CDK19: variants seen among roughly 807,000 people sequenced by gnomAD.
The protein encoded by CDK19 is cyclin-dependent kinase 19.
Under a neutral mutation model 68.3 loss-of-function variants are expected in CDK19, and 20 were observed. That is an observed-to-expected ratio of 0.29 (90% CI 0.21 to 0.43). The LOEUF (loss-of-function observed/expected upper bound fraction) is 0.43. CDK19 is among the 20% of genes least tolerant of loss of function. CDK19 has a pLI of 1.00. For synonymous variants in CDK19, 221 were observed against 222.8 expected, an observed-to-expected ratio of 0.99 and a Z score of 0.07; for missense variants, 339 against 623.5, an observed-to-expected ratio of 0.54 and a Z score of 4.86.
rs111716078 is a variant in CDK19 at position 110,697,490 on chromosome 6, A to G, written c.205-26949T>C. ...CTCTCCACAAGGAAAACTACAAAAC[A>G]CTGCTGAAAGAAGTCATAGATGACA... On this transcript the variant is annotated intron_variant, in intron 2 of 12. Transcript: ENST00000368911. Among the ~76,000 whole-genome samples the G allele has an allele frequency of 8.6e-4, 131 of 152,264 alleles. 2 individuals carry two copies. The East Asian group carries it at 0.022, about 26-fold the overall frequency.
chr6:110,612,742 A>G lies in CDK19; in HGVS notation c.*1793T>C, dbSNP rs1315552614. 1 of 152,642 alleles carries G rather than the reference A, an allele frequency of 6.6e-6. No homozygotes were observed. The highest frequency in any genetic ancestry group is 2.4e-5 in the African/African-American group (1 of 41,450). The allele number at this position is 152,642 out of a possible 1,614,324, so 9.5% of individuals were successfully genotyped here. ...AATGGAAGGGGTAAAACAGCAGGAG[A>G]CTATCAGAAACTCCTTCCAATGGAG... is the stretch of plus-strand genomic sequence containing the variant. On this transcript the variant is annotated 3_prime_UTR_variant, in exon 13 of 13. Coordinates refer to ENST00000368911, the MANE Select transcript of CDK19 (RefSeq NM_015076.5).
At chr6:110,799,517 T>C (rs1782199329) in intron 1 of CDK19, among the ~76,000 whole-genome samples, 2 of 152,202 alleles carry the variant, frequency 1.3e-5, no homozygotes, top group South Asian at 4.1e-4. Context: ...CTAAATTACT[T>C]ATAATACTTA....
At chr6:110,792,240 A>T (rs1306789819) in intron 1 of CDK19, among the ~76,000 whole-genome samples, 1 of 152,086 alleles carries the variant, frequency 6.6e-6, no homozygotes, top group Non-Finnish European at 1.5e-5. Flanking sequence ...AAGTGCTGAG[A>T]TTACAGGCGT....
At chr6:110,790,865 A>T (rs1450963436) in intron 1 of CDK19, among the ~76,000 whole-genome samples, 1 of 152,142 alleles carries the variant, frequency 6.6e-6, no homozygotes, top group Non-Finnish European at 1.5e-5. Context: ...TATACAGACT[A>T]TAGTTATTAA....
At chr6:110,673,948 A>G (rs759062599) in intron 2 of CDK19, among the ~76,000 whole-genome samples, 33 of 152,058 alleles carry the variant, frequency 2.2e-4, no homozygotes, top group Non-Finnish European at 4.0e-4. Context: ...CTTCACAGAT[A>G]CTGTGTTTTT....
At chr6:110,739,166 T>C (rs371478201) in intron 2 of CDK19, among the ~76,000 whole-genome samples, 196 of 152,300 alleles carry the variant, frequency 1.3e-3, no homozygotes, top group South Asian at 5.6e-3. Context: ...AATTCGTATG[T>C]TGAAATCCTA....
chr6:110,614,905 G>C (rs1318687551), intron 12 of CDK19, among the ~76,000 whole-genome samples: 1 of 152,130 alleles, frequency 6.6e-6, no homozygotes, highest in East Asian at 1.9e-4. Flanking sequence ...TGGGAGATAA[G>C]CTACACTGGA....
At chr6:110,683,174 C>CAAAA (rs58912406) in intron 2 of CDK19, among the ~76,000 whole-genome samples, 2 of 49,580 alleles carry the variant, frequency 4.0e-5, no homozygotes, top group African/African-American at 7.6e-5. Context: ...AGACTGTCTC[C>CAAAA]AAAAAAAAAA....
chr6:110,814,829 C>T (rs1377276133), intron 1 of CDK19, 180 bp downstream of exon 1: 4 of 812,842 alleles, frequency 4.9e-6, no homozygotes, highest in Middle Eastern at 2.2e-4. Flanking sequence ...CGCGACGGGG[C>T]CGCGCGGGGG....
At chr6:110,720,867 CAAA>C (rs60184209) in intron 2 of CDK19, among the ~76,000 whole-genome samples, 7 of 92,558 alleles carry the variant, frequency 7.6e-5, no homozygotes, top group Non-Finnish European at 2.3e-5. Context: ...GACTCTGTCT[CAAA>C]AAAAAAAAAA....
intron 2 of CDK19, among the ~76,000 whole-genome samples, chr6:110,727,369 G>A (rs555023151): frequency 5.3e-5 from 8 of 151,914 alleles, no homozygotes; most frequent in Non-Finnish European, 1.2e-4. Flanking sequence ...GAAACTTTGA[G>A]ATCATCATGT....
intron 1 of CDK19, among the ~76,000 whole-genome samples, chr6:110,785,321 A>C (rs1583096919): frequency 6.6e-6 from 1 of 152,058 alleles, no homozygotes; most frequent in Non-Finnish European, 1.5e-5. Flanking sequence ...ACAGTCAAAA[A>C]CCCACATGCA....
intron 4 of CDK19, chr6:110,646,445 C>T: frequency 1.3e-6 from 2 of 1,502,168 alleles, no homozygotes; most frequent in Non-Finnish European, 1.8e-6. Flanking sequence ...CTACCCCATG[C>T]ACCGCCTCAT....
intron 1 of CDK19, among the ~76,000 whole-genome samples, chr6:110,808,053 GAA>G (rs1369543910): frequency 6.6e-6 from 1 of 151,906 alleles, no homozygotes; most frequent in Admixed American, 6.6e-5. Context: ...CCTGTAACTT[GAA>G]AAAAGACATA....
At chr6:110,677,542 G>A (rs1331768596) in intron 2 of CDK19, among the ~76,000 whole-genome samples, 2 of 150,366 alleles carry the variant, frequency 1.3e-5, no homozygotes, top group East Asian at 3.9e-4. Context: ...CTCCAGCCTG[G>A]GAAGCAGAGA....
chr6:110,788,601 T>C (rs888792217), intron 1 of CDK19, among the ~76,000 whole-genome samples: 1 of 152,192 alleles, frequency 6.6e-6, no homozygotes, highest in South Asian at 2.1e-4. Flanking sequence ...CACATTAGAA[T>C]CTATAGGTAT....
intron 1 of CDK19, among the ~76,000 whole-genome samples, chr6:110,786,824 T>C (rs1210213010): frequency 6.6e-6 from 1 of 152,062 alleles, no homozygotes; most frequent in Non-Finnish European, 1.5e-5. Context: ...AGATAAAGGG[T>C]TCTCATTGTC....
At chr6:110,686,251 T>C (rs893247958) in intron 2 of CDK19, among the ~76,000 whole-genome samples, 1 of 152,218 alleles carries the variant, frequency 6.6e-6, no homozygotes, top group African/African-American at 2.4e-5. Flanking sequence ...AGAGTGCATA[T>C]GTAGGAAACC....
chr6:110,751,454 A>G (rs901481543), intron 1 of CDK19, among the ~76,000 whole-genome samples: 3 of 151,964 alleles, frequency 2.0e-5, no homozygotes, highest in Admixed American at 6.6e-5. Context: ...CATCACCCCC[A>G]GATGGGACCA....
Sources: allele counts gnomAD v4.1 joint callset (sites outside exome capture counted in the v4.1 genomes callset), GRCh38; gene constraint gnomAD v4.1.1; transcripts MANE v1.5; gene names NCBI Gene and HGNC (gene_info 2026-07-23, HGNC 2026-07-21).